NLRP11: variants seen among roughly 807,000 people sequenced by gnomAD.
The protein encoded by NLRP11 is NACHT, LRR and PYD domains-containing protein 11.
NLRP11 carries 53 observed loss-of-function variants against 79.3 expected under a neutral mutation model. That is an observed-to-expected ratio of 0.67 (90% CI 0.54 to 0.84). The LOEUF (loss-of-function observed/expected upper bound fraction) is 0.84. Among genes scored for constraint, NLRP11 ranks in the 40% least tolerant of loss-of-function variants. The probability of loss-of-function intolerance (pLI) is 0.00; values close to 1 mark genes in which losing one functional copy is unlikely to be tolerated. For missense variants in NLRP11, 1,264 were observed against 1,255.0 expected, an observed-to-expected ratio of 1.01 and a Z score of -0.11; for synonymous variants, 518 against 462.6, an observed-to-expected ratio of 1.12 and a Z score of -1.54.
Position 55,799,926 on chromosome 19 carries a change from C to T in NLRP11, c.2171+1646G>A, listed in dbSNP as rs571807640. 2.0e-5 allele frequency among the ~76,000 whole-genome samples: 3 copies of T among 152,208 alleles called. No homozygotes were observed. In the East Asian group the frequency reaches 5.8e-4, roughly 29 times the overall value. On this transcript the variant is annotated intron_variant, in intron 5 of 9. Coordinates refer to ENST00000589093, the Ensembl canonical transcript of NLRP11. The stretch of plus-strand genomic sequence containing the variant: ...AGGTTTTAGTGAGCTGAGATCACAC[C>T]ACTGCACTCCAGCCAGGGCAAAAAG...
chr19:55,820,480 G>A (rs561785486), intron 1 of NLRP11, among the ~76,000 whole-genome samples: 32 of 152,186 alleles, frequency 2.1e-4, no homozygotes, highest in African/African-American at 7.2e-4. Flanking sequence ...AGAGGGTGGT[G>A]GAATTCTTAC....
intron 7 of NLRP11, among the ~76,000 whole-genome samples, chr19:55,790,968 C>T (rs1473265707): frequency 6.7e-6 from 1 of 150,362 alleles, no homozygotes; most frequent in Non-Finnish European, 1.5e-5. Context: ...ATACTTAAGA[C>T]AATTCTTGAA....
Position 55,808,023 on chromosome 19 carries a change from A to G in NLRP11, c.1842-9T>C. 1 of 1,567,044 alleles carries G rather than the reference A, an allele frequency of 6.4e-7. No homozygotes were observed. On this transcript the variant is annotated splice_polypyrimidine_tract_variant and intron_variant, in intron 3 of 9. Coordinates refer to ENST00000589093, the Ensembl canonical transcript of NLRP11. ...CAAGGCTCTTCATTTGACTACATAG[A>G]AGAAAAATTGAGTTTTCCAATGGAA...
chr19:55,807,929 T>C (rs1324281269), exon 4 of NLRP11: 4 of 1,611,758 alleles, frequency 2.5e-6, no homozygotes, highest in Non-Finnish European at 3.4e-6. Context: ...TTAAGGTCAT[T>C]GTCAAAGATA....
intron 6 of NLRP11, among the ~76,000 whole-genome samples, chr19:55,792,893 G>A (rs61072592): frequency 0.025 from 3,872 of 152,234 alleles, 55 homozygotes; most frequent in Middle Eastern, 0.071. Flanking sequence ...GGAAAAAGTG[G>A]AGACAGACGG....
At chr19:55,806,171 T>C (rs190897149) in intron 4 of NLRP11, among the ~76,000 whole-genome samples, 1 of 151,354 alleles carries the variant, frequency 6.6e-6, no homozygotes, top group African/African-American at 2.4e-5. Flanking sequence ...TGGATCGTTT[T>C]GCTTCCTGAG....
chr19:55,785,710 G>C (rs761789117), exon 10 of NLRP11: 3 of 1,613,846 alleles, frequency 1.9e-6, no homozygotes, highest in Middle Eastern at 1.6e-4. Flanking sequence ...ATCCAAATTA[G>C]AATTAGGTAT....
chr19:55,792,050 G>T (rs1474686049), intron 7 of NLRP11, among the ~76,000 whole-genome samples: 1 of 152,170 alleles, frequency 6.6e-6, no homozygotes, highest in Non-Finnish European at 1.5e-5. Context: ...AGGGGGAGGG[G>T]TCCGGCCCAG....
chr19:55,800,359 G>A (rs950874490), intron 5 of NLRP11, among the ~76,000 whole-genome samples: 2 of 152,120 alleles, frequency 1.3e-5, no homozygotes, highest in Non-Finnish European at 2.9e-5. Flanking sequence ...AGGCTGGAAC[G>A]TGCAGCGGCG....
chr19:55,811,417 G>A (rs1980590582), intron 2 of NLRP11, among the ~76,000 whole-genome samples: 1 of 152,160 alleles, frequency 6.6e-6, no homozygotes, highest in Admixed American at 6.5e-5. Context: ...GCAAAAGAGG[G>A]AGCCTGGCAG....
intron 2 of NLRP11, among the ~76,000 whole-genome samples, chr19:55,813,037 G>T (rs571346636): frequency 2.6e-4 from 39 of 152,174 alleles, no homozygotes; most frequent in African/African-American, 8.7e-4. Flanking sequence ...TATTAAAATG[G>T]TAGAGGGTGG....
intron 2 of NLRP11, among the ~76,000 whole-genome samples, chr19:55,816,375 T>C (rs1480373807): frequency 2.0e-5 from 3 of 152,238 alleles, no homozygotes; most frequent in Non-Finnish European, 2.9e-5. Context: ...GTCCTCAGTT[T>C]AGCTCTAATA....
intron 4 of NLRP11, among the ~76,000 whole-genome samples, chr19:55,802,520 A>G (rs1393360690): frequency 6.6e-6 from 1 of 152,198 alleles, no homozygotes; most frequent in Non-Finnish European, 1.5e-5. Context: ...AGATGACACA[A>G]ACAAATGGAA....
chr19:55,830,332 T>G (rs964978767), intron 1 of NLRP11, among the ~76,000 whole-genome samples: 9 of 152,098 alleles, frequency 5.9e-5, no homozygotes, highest in African/African-American at 2.2e-4. Flanking sequence ...AGTTCAGGAG[T>G]CAACTGTATT....
At chr19:55,793,622 G>C (rs1276076598) in intron 6 of NLRP11, among the ~76,000 whole-genome samples, 1 of 136,298 alleles carries the variant, frequency 7.3e-6, no homozygotes, top group African/African-American at 2.7e-5. Flanking sequence ...TGGAAATACT[G>C]AATCTTGGCT....
chr19:55,817,836 A>AAAAAG (rs1446575292), intron 2 of NLRP11, 68 bp downstream of exon 2: 1 of 1,267,074 alleles, frequency 7.9e-7, no homozygotes, highest in African/African-American at 1.5e-5. Context: ...AAAAAAAAAA[A>AAAAAG]AGGCCCAACA....
intron 4 of NLRP11, among the ~76,000 whole-genome samples, chr19:55,805,166 C>T (rs1979868754): frequency 6.6e-6 from 1 of 152,192 alleles, no homozygotes; most frequent in Admixed American, 6.5e-5. Flanking sequence ...AAGAACATTT[C>T]TCATTACTCC....
chr19:55,809,866 G>A lies in NLRP11; in HGVS notation c.744C>T (p.Asn248=). The change falls in exon 3 of 10, where the codon AAC becomes AAT. Residue 248 remains asparagine (N), a synonymous_variant. Coordinates refer to ENST00000589093, the Ensembl canonical transcript of NLRP11. The surrounding 1 kb of genome is among the most constrained non-coding windows in gnomAD (Gnocchi z 4.5). Reference sequence around the variant, plus strand: ...CTGGAATGGGAACTTTCTGGGTGCTGTTACTACACAAAGCACTTTCATTGA... The same window carrying A: ...CTGGAATGGGAACTTTCTGGGTGCTATTACTACACAAAGCACTTTCATTGA... 1 of 1,614,150 alleles carries A rather than the reference G, an allele frequency of 6.2e-7. No individual in the cohort carries two copies. Among genetic ancestry groups the A allele is most frequent in the Middle Eastern group, 1.6e-4 (1 of 6,062 alleles).
intron 2 of NLRP11, among the ~76,000 whole-genome samples, chr19:55,810,655 C>T (rs1356353739): frequency 2.0e-5 from 3 of 152,146 alleles, no homozygotes; most frequent in Non-Finnish European, 4.4e-5. Flanking sequence ...CACCACCACA[C>T]CTGGCTAATT....
Sources: allele counts gnomAD v4.1 joint callset (sites outside exome capture counted in the v4.1 genomes callset), GRCh38; gene constraint gnomAD v4.1.1; non-coding constraint Gnocchi (gnomAD v3.1); transcripts MANE v1.5; gene names NCBI Gene and HGNC (gene_info 2026-07-23, HGNC 2026-07-21).